Variants in GRID2 observed in about 807,000 individuals in gnomAD.
GRID2 encodes glutamate ionotropic receptor delta type subunit 2.
A neutral mutation model predicts 114.8 loss-of-function variants in GRID2; 33 were observed. The observed-to-expected ratio is 0.29, with a 90% CI of 0.22 to 0.38. The LOEUF (loss-of-function observed/expected upper bound fraction) is 0.38. Among genes scored for constraint, GRID2 ranks in the 10% least tolerant of loss-of-function variants. GRID2 has a pLI of 1.00. For missense variants in GRID2, 1,184 were observed against 1,257.7 expected (o/e 0.94, Z 0.89); for synonymous variants, 505 against 449.9 (o/e 1.12, Z -1.55).
At chr4:93,126,567 T>C (rs1159157556) in intron 4 of GRID2, among the ~76,000 whole-genome samples, 3 of 150,108 alleles carry the variant, frequency 2.0e-5, no homozygotes, top group South Asian at 2.1e-4. Flanking sequence ...TTGACAGTCA[T>C]TGATAACTAT....
intron 2 of GRID2, among the ~76,000 whole-genome samples, chr4:93,065,969 G>A (rs560609355): frequency 1.1e-4 from 17 of 151,926 alleles, no homozygotes; most frequent in African/African-American, 3.9e-4. Context: ...AACTCATTCA[G>A]TTCCCATAGT....
chr4:92,869,934 C>G (rs1318918456), intron 2 of GRID2, among the ~76,000 whole-genome samples: 1 of 152,016 alleles, frequency 6.6e-6, no homozygotes, highest in East Asian at 1.9e-4. Context: ...TGGCCCATGC[C>G]CATGATCTCA....
intron 1 of GRID2, among the ~76,000 whole-genome samples, chr4:92,366,013 A>G (rs1728843575): frequency 6.6e-6 from 1 of 152,136 alleles, no homozygotes; most frequent in African/African-American, 2.4e-5. Flanking sequence ...TATTAAGTTC[A>G]TAACAAATGT....
intron 6 of GRID2, among the ~76,000 whole-genome samples, chr4:93,222,532 C>T (rs1300627655): frequency 2.6e-5 from 4 of 151,442 alleles, no homozygotes; most frequent in Non-Finnish European, 4.4e-5. Context: ...TTGTTACATA[C>T]GTAAACATGT....
intron 1 of GRID2, among the ~76,000 whole-genome samples, chr4:92,439,555 G>A (rs998682447): frequency 5.9e-5 from 9 of 151,440 alleles, no homozygotes; most frequent in East Asian, 3.9e-4. Context: ...TGGGAACCTA[G>A]AGTGGGAGAG....
intron 2 of GRID2, among the ~76,000 whole-genome samples, chr4:93,046,847 A>G (rs1726188229): frequency 6.6e-6 from 1 of 151,966 alleles, no homozygotes. Flanking sequence ...ACTGATACAA[A>G]TAAATGAATA....
chr4:93,171,514 A>G (rs1339596058), intron 4 of GRID2, among the ~76,000 whole-genome samples: 1 of 152,152 alleles, frequency 6.6e-6, no homozygotes, highest in Non-Finnish European at 1.5e-5. Flanking sequence ...ATATCCCTCT[A>G]TTCCTTTGAC....
chr4:93,150,475 C>A (rs1246304512), intron 4 of GRID2, among the ~76,000 whole-genome samples: 1 of 151,934 alleles, frequency 6.6e-6, no homozygotes, highest in African/African-American at 2.4e-5. Context: ...CTGGTTTGGC[C>A]CAAATAGTCT....
At chr4:93,087,462 A>G (rs1449596533) in intron 3 of GRID2, among the ~76,000 whole-genome samples, 1 of 152,168 alleles carries the variant, frequency 6.6e-6, no homozygotes, top group African/African-American at 2.4e-5. Flanking sequence ...TAATTTGTAT[A>G]AAAGAAGACA....
At chr4:92,773,625 T>C (rs905231865) in intron 2 of GRID2, among the ~76,000 whole-genome samples, 2 of 151,966 alleles carry the variant, frequency 1.3e-5, no homozygotes, top group African/African-American at 4.8e-5. Flanking sequence ...TCAAATATTA[T>C]ATAAAAAATA....
chr4:93,592,871 G>A (rs1738548189), intron 13 of GRID2, among the ~76,000 whole-genome samples: 1 of 152,034 alleles, frequency 6.6e-6, no homozygotes, highest in Admixed American at 6.6e-5. Context: ...CAGAGACTAG[G>A]ATTGCAACCC....
At chr4:92,829,164 T>G (rs1665392914) in intron 2 of GRID2, among the ~76,000 whole-genome samples, 1 of 152,208 alleles carries the variant, frequency 6.6e-6, no homozygotes. Flanking sequence ...CATTTAAGCC[T>G]TTAATCGATC....
At chr4:93,119,688 G>GA (rs1182392180) in intron 4 of GRID2, among the ~76,000 whole-genome samples, 2 of 151,814 alleles carry the variant, frequency 1.3e-5, no homozygotes, top group East Asian at 3.9e-4. Context: ...TAGGTTCATT[G>GA]AAAAAAAGAA....
intron 4 of GRID2, among the ~76,000 whole-genome samples, chr4:93,136,545 A>C (rs887453015): frequency 1.3e-5 from 2 of 152,220 alleles, no homozygotes; most frequent in Non-Finnish European, 2.9e-5. Context: ...ATGAAAAGGA[A>C]TCACTGAAAA....
downstream of GRID2, chr4:93,810,170 G>GT (rs1368887454): frequency 2.0e-5 from 3 of 152,158 alleles, no homozygotes; most frequent in Non-Finnish European, 2.9e-5. Flanking sequence ...AGCCTTTCTT[G>GT]TAAGTTGCGA....
At chr4:93,379,282 A>T (rs1763644175) in intron 8 of GRID2, among the ~76,000 whole-genome samples, 1 of 152,108 alleles carries the variant, frequency 6.6e-6, no homozygotes, top group Non-Finnish European at 1.5e-5. Context: ...AACAAGCAAC[A>T]TGTTAACTGA....
chr4:93,672,822 A>C (rs1335781783), intron 14 of GRID2, among the ~76,000 whole-genome samples: 1 of 152,170 alleles, frequency 6.6e-6, no homozygotes, highest in Admixed American at 6.5e-5. Context: ...CTCTTCTCAC[A>C]TCAGTTTGGA....
rs557564503 is a variant in GRID2 at position 93,724,108 on chromosome 4, A to T, written c.2361-45102A>T. 1.2e-4 allele frequency among the ~76,000 whole-genome samples: 19 copies of T among 152,340 alleles called. 1 individual carries two copies. The highest frequency in any genetic ancestry group is 4.6e-4 in the African/African-American group (19 of 41,588). ...CATTAAACATATTTAAAAGACACGA[A>T]ATGAGTCCTACAGAAGTTTGGCTAC... is the stretch of plus-strand genomic sequence containing the variant. On this transcript the variant is annotated intron_variant, in intron 14 of 15. Coordinates refer to ENST00000282020, the MANE Select transcript of GRID2 (RefSeq NM_001510.4).
rs756832642 is a variant in GRID2, at chr4:92,485,636, G to C, written c.89-104495G>C. ...ACCTGTGAGGCGGAGGTTGCAGTGAGCTGAGATTGCACCACTGCACTCCAG... is the reference window on the plus strand; with the variant it reads ...ACCTGTGAGGCGGAGGTTGCAGTGACCTGAGATTGCACCACTGCACTCCAG... On this transcript the variant is annotated intron_variant, in intron 1 of 15. Transcript: ENST00000282020. 4.5e-4 allele frequency among the ~76,000 whole-genome samples: 69 copies of C among 151,738 alleles called. 1 individual carries two copies. Among genetic ancestry groups the C allele is most frequent in the Non-Finnish European group, 3.8e-4 (26 of 67,940 alleles).
Sources: allele counts gnomAD v4.1 joint callset (sites outside exome capture counted in the v4.1 genomes callset), GRCh38; gene constraint gnomAD v4.1.1; transcripts MANE v1.5; gene names NCBI Gene and HGNC (gene_info 2026-07-23, HGNC 2026-07-21).